MAD1L1: variants seen among roughly 807,000 people sequenced by gnomAD.
The protein encoded by MAD1L1 is mitotic arrest deficient 1 like 1.
MAD1L1 carries 95 observed loss-of-function variants against 96.9 expected under a neutral mutation model. The observed-to-expected ratio is 0.98, with a 90% CI of 0.83 to 1.16. The LOEUF is 1.16. Ranked by LOEUF, MAD1L1 falls within the 50% of genes most tolerant of loss-of-function variation. The pLI is 0.00. For synonymous variants in MAD1L1, 473 were observed against 396.6 expected, an observed-to-expected ratio of 1.19 and a Z score of -2.29; for missense variants, 1,007 against 954.4, an observed-to-expected ratio of 1.06 and a Z score of -0.73.
At chr7:1,898,411 G>C in intron 17 of MAD1L1, 21 bp from the exon 18 acceptor site, 2 of 1,609,370 alleles carry the variant, frequency 1.2e-6, no homozygotes, top group Non-Finnish European at 1.7e-6. Context: ...GACGGAAGGA[G>C]ACAGTGAGTG....
chr7:1,935,092 C>A (rs1184569510), intron 17 of MAD1L1, among the ~76,000 whole-genome samples: 1 of 152,242 alleles, frequency 6.6e-6, no homozygotes, highest in East Asian at 1.9e-4. Flanking sequence ...AATGGGTGCA[C>A]AGCCAAGGCA....
chr7:1,887,822 T>A (rs1028697601), intron 18 of MAD1L1, among the ~76,000 whole-genome samples: 3 of 62,174 alleles, frequency 4.8e-5, no homozygotes, highest in African/African-American at 8.0e-5. Flanking sequence ...TGTGTGTGCA[T>A]GTGTGCATGT....
chr7:1,854,005 C>T (rs1341273447), intron 18 of MAD1L1, among the ~76,000 whole-genome samples: 5 of 152,228 alleles, frequency 3.3e-5, no homozygotes, highest in Non-Finnish European at 7.3e-5. Context: ...ATTCTCATGC[C>T]GTGCACTGGG....
rs573426023 is a variant in MAD1L1, at chr7:1,885,516, G to A, written c.1998+12684C>T. ...GTGGGCCACAGGGGTGCGGTCGGAA[G>A]GGCAGATTTCAGGCGAATGTGTGAC... On this transcript the variant is annotated intron_variant, in intron 18 of 18. Coordinates refer to ENST00000265854, the MANE Select transcript of MAD1L1 (RefSeq NM_001013836.2). Among the ~76,000 whole-genome samples the A allele has an allele frequency of 3.3e-5, 5 of 152,298 alleles. No individual in the cohort carries two copies. The East Asian group carries it at 9.7e-4, about 29-fold the overall frequency.
intron 10 of MAD1L1, among the ~76,000 whole-genome samples, chr7:2,201,436 A>G (rs1792292890): frequency 6.6e-6 from 1 of 152,080 alleles, no homozygotes; most frequent in African/African-American, 2.4e-5. Context: ...CAAGGAGGGG[A>G]CAGCACGCAA....
intron 18 of MAD1L1, among the ~76,000 whole-genome samples, chr7:1,884,579 C>T (rs141503359): frequency 0.011 from 1,731 of 152,356 alleles, 20 homozygotes; most frequent in Non-Finnish European, 0.014. Flanking sequence ...CAATCACTGC[C>T]GAACTTTATT....
At chr7:2,044,392 C>A (rs1444581441) in intron 12 of MAD1L1, among the ~76,000 whole-genome samples, 1 of 152,324 alleles carries the variant, frequency 6.6e-6, no homozygotes, top group East Asian at 1.9e-4. Flanking sequence ...GCTCCTGCCA[C>A]AAAGCACCTC....
At chr7:2,191,162 C>A (rs897864430) in intron 10 of MAD1L1, among the ~76,000 whole-genome samples, 11 of 152,166 alleles carry the variant, frequency 7.2e-5, no homozygotes, top group African/African-American at 2.2e-4. Flanking sequence ...AATCACCAGA[C>A]ACAAATGACT....
intron 13 of MAD1L1, among the ~76,000 whole-genome samples, chr7:2,014,151 T>C (rs2128498000): frequency 6.6e-6 from 1 of 152,194 alleles, no homozygotes; most frequent in South Asian, 2.1e-4. Flanking sequence ...GGAGACCAGG[T>C]CTCCTTGGCA....
chr7:1,962,478 C>T (rs530039544), intron 15 of MAD1L1, among the ~76,000 whole-genome samples: 15 of 152,154 alleles, frequency 9.9e-5, no homozygotes, highest in Non-Finnish European at 1.5e-4. Flanking sequence ...CATAAAAAAA[C>T]TTCTCTTCAA....
At chr7:2,196,036 TG>T (rs1237404761) in intron 10 of MAD1L1, among the ~76,000 whole-genome samples, 4 of 152,230 alleles carry the variant, frequency 2.6e-5, no homozygotes, top group African/African-American at 9.6e-5. Flanking sequence ...TGGCACCATG[TG>T]GCCAGCCAGA....
At chr7:1,975,446 C>T in intron 15 of MAD1L1, among the ~76,000 whole-genome samples, 1 of 152,168 alleles carries the variant, frequency 6.6e-6, no homozygotes, top group East Asian at 1.9e-4. Context: ...AAACCAGTTC[C>T]ACTTTCCCAG....
intron 10 of MAD1L1, among the ~76,000 whole-genome samples, chr7:2,172,559 G>C (rs1010075917): frequency 1.3e-5 from 2 of 152,232 alleles, no homozygotes; most frequent in Non-Finnish European, 2.9e-5. Context: ...GAAAACGGGA[G>C]GGCGCCGCCG....
At chr7:2,145,865 C>T (rs949031244) in intron 11 of MAD1L1, among the ~76,000 whole-genome samples, 66 of 152,322 alleles carry the variant, frequency 4.3e-4, no homozygotes, top group Middle Eastern at 3.4e-3. Context: ...CGCAGAGGAG[C>T]CCGACCCACA....
chr7:1,910,403 G>A (rs1290647390), intron 17 of MAD1L1, among the ~76,000 whole-genome samples: 1 of 152,236 alleles, frequency 6.6e-6, no homozygotes, highest in Non-Finnish European at 1.5e-5. Context: ...TACAGGGAGG[G>A]CTGGTCGCAG....
chr7:1,994,404 G>A (rs749578403), intron 14 of MAD1L1, among the ~76,000 whole-genome samples: 1 of 152,226 alleles, frequency 6.6e-6, no homozygotes, highest in African/African-American at 2.4e-5. Context: ...GCAGCACAGG[G>A]ATTGCTTGGA....
intron 18 of MAD1L1, among the ~76,000 whole-genome samples, chr7:1,865,811 G>T (rs957553620): frequency 6.6e-6 from 1 of 152,202 alleles, no homozygotes; most frequent in East Asian, 1.9e-4. Context: ...TCTCTCTCTC[G>T]AATGGCAGCC....
chr7:2,086,076 G>A (rs534958638), intron 11 of MAD1L1, among the ~76,000 whole-genome samples: 2 of 152,284 alleles, frequency 1.3e-5, no homozygotes, highest in South Asian at 2.1e-4. Context: ...TCCACGCTGC[G>A]GGGGAGGACG....
chr7:2,221,046 G>A, intron 5 of MAD1L1: 1 of 1,608,416 alleles, frequency 6.2e-7, no homozygotes, highest in African/African-American at 1.3e-5. Flanking sequence ...AGGCAGTCAA[G>A]GCCTAGTGCG....
Sources: gnomAD v4.1 joint callset for allele counts (sites outside exome capture counted in the v4.1 genomes callset) on GRCh38, gnomAD v4.1.1 for gene constraint, MANE v1.5 for transcripts, NCBI Gene and HGNC (gene_info 2026-07-23, HGNC 2026-07-21) for gene names.